The following PACRGL variants were observed in gnomAD, a reference collection of about 807,000 sequenced individuals.
The protein encoded by PACRGL is parkin coregulated like.
A neutral mutation model predicts 34.5 loss-of-function variants in PACRGL; 38 were observed. That is an observed-to-expected ratio of 1.10 (90% CI 0.85 to 1.44). The LOEUF is 1.44. Among genes scored for constraint, PACRGL ranks in the 40% most tolerant of loss-of-function variants. The pLI, the probability that PACRGL is intolerant of heterozygous loss-of-function variation, is 0.00. For synonymous variants in PACRGL, 128 were observed against 100.1 expected (o/e 1.28, Z -1.66); for missense variants, 305 against 281.4 (o/e 1.08, Z -0.60).
At chr4:20,737,708 C>T (rs1161250425) in intron 8 of PACRGL, among the ~76,000 whole-genome samples, 1 of 152,174 alleles carries the variant, frequency 6.6e-6, no homozygotes, top group Non-Finnish European at 1.5e-5. Flanking sequence ...AGTAAGATGA[C>T]ATGCAAATTA....
downstream of PACRGL, among the ~76,000 whole-genome samples, chr4:20,733,881 C>A (rs1748954166): frequency 1.3e-5 from 2 of 152,132 alleles, no homozygotes; most frequent in South Asian, 4.1e-4. Flanking sequence ...TGACCTGGCA[C>A]ACTTGCACCT....
At position 20,729,359 on chromosome 4, in the gene PACRGL, A is replaced by AGATT. The variant is rs1747159056; in HGVS notation, c.*2021_*2024dup. On this transcript the variant is annotated 3_prime_UTR_variant, in exon 9 of 9. Transcript: ENST00000503585. Reference sequence around the variant, plus strand: ...TACAATAGAAAACAGCCTGTAAGAAAGATTGAACAAATCCAAAATTATTAT... The same window carrying AGATT: ...TACAATAGAAAACAGCCTGTAAGAAAGATTGATTGAACAAATCCAAAATTATTAT... The AGATT allele has an allele frequency of 6.6e-6, 1 of 151,658 alleles. No individual in the cohort carries two copies. Among genetic ancestry groups the AGATT allele is most frequent in the Non-Finnish European group, 1.5e-5 (1 of 67,900 alleles). 9.4% of individuals were successfully genotyped at this position (151,658 alleles called of 1,614,324 possible). A position where few individuals can be genotyped will look rare whatever the true frequency, so the allele number is the denominator to read the frequency against.
In PACRGL at chr4:20,707,669, A is replaced by G. The variant is rs565216546; in HGVS notation, c.208-134A>G. Reference sequence around the variant, plus strand: ...GTATTCTAGTAGAGAGAGGATTGACAGTTTTTCTCAACTGTGTTGCTGAGT... The same window carrying G: ...GTATTCTAGTAGAGAGAGGATTGACGGTTTTTCTCAACTGTGTTGCTGAGT... On this transcript the variant is annotated intron_variant, in intron 3 of 8. Transcript: ENST00000503585. 6 of 701,230 alleles carry G rather than the reference A, an allele frequency of 8.6e-6. No individual in the cohort carries two copies. The East Asian group carries it at 1.6e-4, about 19-fold the overall frequency. 43.4% of individuals were successfully genotyped at this position (701,230 alleles called of 1,614,324 possible).
rs1418267331 is a variant in PACRGL at position 20,728,668 on chromosome 4, T to G, written c.*1327T>G. The stretch of plus-strand genomic sequence containing the variant: ...TTTTTGAAATACAAAATGTGCACAT[T>G]GAGTTTACACAAACACGTGATGGCA... On this transcript the variant is annotated 3_prime_UTR_variant, in exon 9 of 9. Coordinates refer to ENST00000503585, the MANE Select transcript of PACRGL (RefSeq NM_001258345.3). 1 of 152,622 alleles carries G rather than the reference T, an allele frequency of 6.6e-6. No homozygotes were observed. Among genetic ancestry groups the G allele is most frequent in the African/African-American group, 2.4e-5 (1 of 41,458 alleles). The allele number at this position is 152,622 out of a possible 1,614,324, so 9.5% of individuals were successfully genotyped here. A position where few individuals can be genotyped will look rare whatever the true frequency, so the allele number is the denominator to read the frequency against.
intron 8 of PACRGL, among the ~76,000 whole-genome samples, chr4:20,745,526 TAAC>T (rs1051530716): frequency 6.6e-5 from 10 of 152,202 alleles, no homozygotes; most frequent in East Asian, 1.9e-4. Context: ...GTGACAAACT[TAAC>T]AACAACTCTC....
intron 5 of PACRGL, among the ~76,000 whole-genome samples, chr4:20,711,083 A>G (rs1560312056): frequency 1.3e-5 from 2 of 151,980 alleles, no homozygotes; most frequent in Admixed American, 1.3e-4. Context: ...ATGCTATCTC[A>G]AACACACACA....
downstream of PACRGL, among the ~76,000 whole-genome samples, chr4:20,753,807 A>T: frequency 6.6e-6 from 1 of 152,312 alleles, no homozygotes; most frequent in Admixed American, 6.5e-5. Flanking sequence ...ATTTTATTTT[A>T]ATCTTTATGT....
At chr4:20,754,525 C>T (rs906046949), downstream of PACRGL, among the ~76,000 whole-genome samples, 1 of 152,068 alleles carries the variant, frequency 6.6e-6, no homozygotes, top group Non-Finnish European at 1.5e-5. Flanking sequence ...CCTTTTCTGG[C>T]CTTATGTAAG....
downstream of PACRGL, among the ~76,000 whole-genome samples, chr4:20,734,179 T>C (rs1222851280): frequency 6.6e-5 from 10 of 152,196 alleles, no homozygotes; most frequent in Admixed American, 1.3e-4. Flanking sequence ...TCTGTGAACC[T>C]TGTTTCCTGG....
At chr4:20,719,499 A>G (rs1741934776) in intron 7 of PACRGL, among the ~76,000 whole-genome samples, 1 of 152,162 alleles carries the variant, frequency 6.6e-6, no homozygotes, top group African/African-American at 2.4e-5. Flanking sequence ...ACACTGCTTT[A>G]AATATGTCCC....
At chr4:20,749,457 TATAAAGCATTAGAAA>T (rs1753167151) in intron 8 of PACRGL, among the ~76,000 whole-genome samples, 5 of 152,204 alleles carry the variant, frequency 3.3e-5, no homozygotes, top group Admixed American at 2.6e-4. Flanking sequence ...TATGAGCCGA[TATAAAGCATTAGAAA>T]ATAAACTGAA....
chr4:20,704,496 G>A lies in PACRGL; in HGVS notation c.15G>A (p.Glu5=). The A allele has an allele frequency of 6.2e-7, 1 of 1,613,782 alleles. No homozygotes were observed. Among genetic ancestry groups the A allele is most frequent in the Non-Finnish European group, 8.5e-7 (1 of 1,179,930 alleles). The stretch of plus-strand genomic sequence containing the variant: ...AAAGGGAAGCAATGCAGAAATCAGA[G>A]GGCTCTGGAGGTACACAGTTGAAAA... MQKS[E]GSGGTQLKNR... Residue 5 remains glutamate, a synonymous_variant, in exon 2 of 9, where the codon GAG becomes GAA. Transcript: ENST00000503585.
chr4:20,704,934 G>C (rs1483061604), intron 3 of PACRGL, 120 bp downstream of exon 3: 3 of 1,117,460 alleles, frequency 2.7e-6, no homozygotes, highest in East Asian at 4.9e-5. Context: ...AATAATGAGA[G>C]AAGGGCATGT....
Position 20,732,442 on chromosome 4 carries a change from T to C in PACRGL, c.*5101T>C, listed in dbSNP as rs969612470. ...TGTAAAAACTGAATGAAAACAAAAC[T>C]TGTGAAACATGAGAACTGTTTAGTG... On this transcript the variant is annotated 3_prime_UTR_variant, in exon 9 of 9. Transcript: ENST00000503585. Among the ~76,000 whole-genome samples the C allele has an allele frequency of 6.6e-6, 1 of 152,150 alleles. No individual in the cohort carries two copies. The highest frequency in any genetic ancestry group is 1.5e-5 in the Non-Finnish European group (1 of 68,032).
the PACRGL span, among the ~76,000 whole-genome samples, chr4:20,765,225 C>T: frequency 6.6e-6 from 1 of 152,146 alleles, no homozygotes; most frequent in Admixed American, 6.5e-5. Context: ...AGACTCATAA[C>T]TCTGACTCCA....
intron 5 of PACRGL, among the ~76,000 whole-genome samples, chr4:20,711,557 T>C (rs1157983395): frequency 2.0e-5 from 3 of 152,150 alleles, no homozygotes; most frequent in African/African-American, 7.2e-5. Flanking sequence ...TTGATTACTA[T>C]TTGGAAGCAG....
chr4:20,719,960 A>T (rs1488141966), intron 7 of PACRGL, among the ~76,000 whole-genome samples: 2 of 151,972 alleles, frequency 1.3e-5, no homozygotes, highest in African/African-American at 4.8e-5. Context: ...ATTGTGTGGG[A>T]GTCGAAATCT....
chr4:20,718,256 T>C (rs1284414556), intron 7 of PACRGL, among the ~76,000 whole-genome samples: 4 of 152,196 alleles, frequency 2.6e-5, no homozygotes, highest in African/African-American at 4.8e-5. Flanking sequence ...TTTCTAGATA[T>C]ACAATCATGT....
In PACRGL at chr4:20,731,648, T is replaced by C. The variant is rs1748243769; in HGVS notation, c.*4307T>C. On this transcript the variant is annotated 3_prime_UTR_variant, in exon 9 of 9. Transcript: ENST00000503585. Reference sequence around the variant, plus strand: ...TGGCTATCTAGGAATTCTAATGCTGTGGAGATATGATAGATAATATATGAG... The same window carrying C: ...TGGCTATCTAGGAATTCTAATGCTGCGGAGATATGATAGATAATATATGAG... 1.0e-6 allele frequency: 1 copy of C among 985,138 alleles called. No individual in the cohort carries two copies. Among genetic ancestry groups the C allele is most frequent in the Non-Finnish European group, 1.2e-6 (1 of 829,794 alleles). 61.0% of individuals were successfully genotyped at this position (985,138 alleles called of 1,614,324 possible).
Sources: allele counts gnomAD v4.1 joint callset (sites outside exome capture counted in the v4.1 genomes callset), GRCh38; gene constraint gnomAD v4.1.1; transcripts MANE v1.5; gene names NCBI Gene and HGNC (gene_info 2026-07-23, HGNC 2026-07-21).